Variants in DPY19L3 observed in about 807,000 individuals in gnomAD.
DPY19L3 encodes protein C-mannosyl-transferase DPY19L3.
DPY19L3 carries 51 observed loss-of-function variants against 92.3 expected under a neutral mutation model. That is an observed-to-expected ratio of 0.55 (90% CI 0.44 to 0.70). The LOEUF is 0.70. Ranked by LOEUF, DPY19L3 falls within the 30% of genes least tolerant of loss-of-function variation. The pLI is 0.00. For missense variants in DPY19L3, 706 were observed against 855.9 expected (o/e 0.82, Z 2.18); for synonymous variants, 309 against 315.2 (o/e 0.98, Z 0.21).
intron 16 of DPY19L3, among the ~76,000 whole-genome samples, chr19:32,472,652 CTG>C (rs1327130283): frequency 1.3e-5 from 2 of 151,854 alleles, no homozygotes; most frequent in Non-Finnish European, 2.9e-5. Flanking sequence ...CAACCACAAT[CTG>C]TGGTTTCTAC....
In DPY19L3 at chr19:32,450,324, C is replaced by G. The variant is rs1396441087; in HGVS notation, c.856-2821C>G. On this transcript the variant is annotated intron_variant, in intron 8 of 18. Coordinates refer to ENST00000392250, the MANE Select transcript of DPY19L3 (RefSeq NM_001172774.2). ...TAGTCACTTTGAAAAACAGCATTTC[C>G]TCAGCATTTCTTGATTTTAATATAG... 2.0e-5 allele frequency among the ~76,000 whole-genome samples: 3 copies of G among 152,094 alleles called. No homozygotes were observed. The East Asian group carries it at 5.8e-4, about 29-fold the overall frequency.
chr19:32,407,796 G>A (rs545492766), intron 1 of DPY19L3, among the ~76,000 whole-genome samples: 1 of 152,306 alleles, frequency 6.6e-6, no homozygotes, highest in East Asian at 1.9e-4. Flanking sequence ...GATTTAGATG[G>A]CAAGATCGAG....
At chr19:32,464,290 T>C (rs1970135146) in intron 14 of DPY19L3, among the ~76,000 whole-genome samples, 1 of 152,018 alleles carries the variant, frequency 6.6e-6, no homozygotes, top group Non-Finnish European at 1.5e-5. Context: ...GTTGTTATTA[T>C]AATGTATTTT....
chr19:32,407,808 G>A (rs941569497), intron 1 of DPY19L3, among the ~76,000 whole-genome samples: 2 of 152,182 alleles, frequency 1.3e-5, no homozygotes, highest in African/African-American at 2.4e-5. Context: ...AAGATCGAGG[G>A]CAGGCTGGGC....
chr19:32,482,056 A>G, intron 18 of DPY19L3, 23 bp from the exon 19 acceptor site: 1 of 1,603,712 alleles, frequency 6.2e-7, no homozygotes, highest in East Asian at 2.2e-5. Flanking sequence ...CCCAAATTGT[A>G]TTTGGGTTTG....
intron 6 of DPY19L3, among the ~76,000 whole-genome samples, chr19:32,438,821 G>A (rs1235009431): frequency 3.3e-5 from 5 of 152,080 alleles, no homozygotes; most frequent in Admixed American, 6.5e-5. Context: ...TGAAAGTAAG[G>A]GTTTGGCATG....
chr19:32,423,751 A>G (rs1469080610), intron 3 of DPY19L3, among the ~76,000 whole-genome samples: 3 of 152,184 alleles, frequency 2.0e-5, no homozygotes, highest in Admixed American at 6.5e-5. Context: ...ACAGTGGCTC[A>G]TGCCTGTCAT....
intron 3 of DPY19L3, among the ~76,000 whole-genome samples, chr19:32,431,343 A>C (rs1289789933): frequency 6.6e-6 from 1 of 151,012 alleles, no homozygotes; most frequent in Non-Finnish European, 1.5e-5. Context: ...GCACCATTGC[A>C]CTCCAGCCTG....
chr19:32,413,878 A>T (rs1453524263), intron 3 of DPY19L3, among the ~76,000 whole-genome samples: 1 of 151,986 alleles, frequency 6.6e-6, no homozygotes, highest in Non-Finnish European at 1.5e-5. Flanking sequence ...GGTGCACGTC[A>T]CTGTTCCCAG....
rs1313171017 is a variant in DPY19L3, at chr19:32,436,454, G to T, written c.337G>T (p.Gly113Cys). Residue 113 changes from glycine (G) to cysteine (C), a missense_variant, in exon 5 of 19, where the codon GGC becomes TGC. Coordinates refer to ENST00000392250, the MANE Select transcript of DPY19L3 (RefSeq NM_001172774.2). ...TTTTCACATATCTATAGGTTTTCAT[G>T]GCCTAATATATGATAATAAAACTGA... ...QAPTLVQGFH[G>C]LIYDNKTESM... The T allele has an allele frequency of 4.0e-6, 6 of 1,505,520 alleles. No homozygotes were observed. Among genetic ancestry groups the T allele is most frequent in the Non-Finnish European group, 5.4e-6 (6 of 1,105,878 alleles). 93.3% of individuals were successfully genotyped at this position (1,505,520 alleles called of 1,614,324 possible). A position where few individuals can be genotyped will look rare whatever the true frequency, so the allele number is the denominator to read the frequency against.
chr19:32,458,011 G>A, intron 10 of DPY19L3, 89 bp from the exon 11 acceptor site: 1 of 967,836 alleles, frequency 1.0e-6, no homozygotes, highest in Non-Finnish European at 1.6e-6. Flanking sequence ...TGTGAAATTG[G>A]ACACTGAATA....
intron 14 of DPY19L3, 97 bp downstream of exon 14, chr19:32,464,077 G>A (rs949750254): frequency 2.6e-5 from 16 of 612,278 alleles, no homozygotes; most frequent in Middle Eastern, 3.9e-4. Context: ...AGATAAAATG[G>A]ATACTGAAAT....
intron 6 of DPY19L3, among the ~76,000 whole-genome samples, chr19:32,438,039 G>A (rs956473349): frequency 1.3e-5 from 2 of 152,114 alleles, no homozygotes; most frequent in Admixed American, 6.6e-5. Context: ...TCAGTTAGTA[G>A]AGCTTAAAGA....
At position 32,485,392 on chromosome 19, in the gene DPY19L3, A is replaced by AGTGTGT. The variant is rs5827802; in HGVS notation, c.*3167_*3172dup. 7 of 149,768 alleles carry AGTGTGT rather than the reference A, an allele frequency of 4.7e-5. No individual in the cohort carries two copies. The highest frequency in any genetic ancestry group is 1.7e-4 in the African/African-American group (7 of 40,896). 9.3% of individuals were successfully genotyped at this position (149,768 alleles called of 1,614,324 possible). A position where few individuals can be genotyped will look rare whatever the true frequency, so the allele number is the denominator to read the frequency against. ...ACCCTTGTGAGATCAGCGTGACAGG[A>AGTGTGT]GTGTGTGTGTGTGTGTGTGTTTCTG... On this transcript the variant is annotated 3_prime_UTR_variant, in exon 19 of 19. Coordinates refer to ENST00000392250, the MANE Select transcript of DPY19L3 (RefSeq NM_001172774.2).
chr19:32,476,680 A>G (rs1197564173), intron 16 of DPY19L3, among the ~76,000 whole-genome samples: 1 of 152,072 alleles, frequency 6.6e-6, no homozygotes, highest in Non-Finnish European at 1.5e-5. Context: ...GAAGACAGAA[A>G]ATCGTAGCGT....
chr19:32,416,470 GC>G (rs140291774), intron 3 of DPY19L3, among the ~76,000 whole-genome samples: 8 of 152,142 alleles, frequency 5.3e-5, no homozygotes, highest in African/African-American at 1.7e-4. Flanking sequence ...CACGTTTGGG[GC>G]CCCCCCAGGC....
At chr19:32,431,757 C>CACTATCTCA (rs1968977100) in intron 3 of DPY19L3, among the ~76,000 whole-genome samples, 1 of 152,168 alleles carries the variant, frequency 6.6e-6, no homozygotes, top group Non-Finnish European at 1.5e-5. Flanking sequence ...ACAAAGGTGT[C>CACTATCTCA]ACTATCTCAA....
intron 17 of DPY19L3, chr19:32,479,698 C>T: frequency 5.5e-6 from 2 of 366,398 alleles, no homozygotes; most frequent in Non-Finnish European, 1.1e-5. Flanking sequence ...TGTTTCCATT[C>T]CAGCCCCAGA....
At chr19:32,426,539 T>G (rs1260570454) in intron 3 of DPY19L3, among the ~76,000 whole-genome samples, 1 of 152,172 alleles carries the variant, frequency 6.6e-6, no homozygotes, top group East Asian at 1.9e-4. Flanking sequence ...CTTTCGACGC[T>G]TAGAGGCTAT....
Sources: allele counts gnomAD v4.1 joint callset (sites outside exome capture counted in the v4.1 genomes callset), GRCh38; gene constraint gnomAD v4.1.1; transcripts MANE v1.5; gene names NCBI Gene and HGNC (gene_info 2026-07-23, HGNC 2026-07-21).